Variants in C8A observed in about 807,000 individuals in gnomAD.
The protein encoded by C8A is complement C8 alpha chain.
In C8A, 67 loss-of-function variants were observed where a neutral mutation model predicts 65.3. That is an observed-to-expected ratio of 1.03 (90% confidence interval 0.84 to 1.26). C8A has a LOEUF of 1.26. Among genes scored for constraint, C8A ranks in the 50% most tolerant of loss-of-function variants. C8A has a pLI of 0.00. For synonymous variants in C8A, 290 were observed against 259.4 expected, an observed-to-expected ratio of 1.12 and a Z score of -1.13; for missense variants, 781 against 723.9, an observed-to-expected ratio of 1.08 and a Z score of -0.90.
At position 56,917,846 on chromosome 1, in the gene C8A, A is replaced by T; in HGVS notation, c.*130A>T. ...TTTTTTCTTTGTTCTGCCAGCTTCCAGGCCTAAGACTAGGTTTTGCTGTCT... is the reference window on the plus strand; with the variant it reads ...TTTTTTCTTTGTTCTGCCAGCTTCCTGGCCTAAGACTAGGTTTTGCTGTCT... On this transcript the variant is annotated 3_prime_UTR_variant, in exon 11 of 11. Transcript: ENST00000361249. 1 of 1,157,302 alleles carries T rather than the reference A, an allele frequency of 8.6e-7. No individual in the cohort carries two copies. Among genetic ancestry groups the T allele is most frequent in the Non-Finnish European group, 1.3e-6 (1 of 799,952 alleles). The allele number at this position is 1,157,302 out of a possible 1,614,324, so 71.7% of individuals were successfully genotyped here.
At chr1:56,884,728 C>G (rs1220700426) in intron 6 of C8A, among the ~76,000 whole-genome samples, 1 of 152,110 alleles carries the variant, frequency 6.6e-6, no homozygotes, top group Non-Finnish European at 1.5e-5. Context: ...TCCTGTAAAA[C>G]CAATCCAAAA....
At chr1:56,902,486 A>G (rs1369463021) in intron 7 of C8A, among the ~76,000 whole-genome samples, 1 of 152,022 alleles carries the variant, frequency 6.6e-6, no homozygotes, top group South Asian at 2.1e-4. Flanking sequence ...ATCATTCCCT[A>G]TTTTTAAATT....
intron 2 of C8A, 109 bp downstream of exon 2, chr1:56,867,811 G>C (rs1022458807): frequency 4.4e-5 from 36 of 809,386 alleles, no homozygotes; most frequent in Non-Finnish European, 7.3e-5. Flanking sequence ...GGAGAAATTG[G>C]GTCTAGAAAT....
At position 56,881,558 on chromosome 1, in the gene C8A, C is replaced by A; in HGVS notation, c.578C>A (p.Thr193Asn). The A allele has an allele frequency of 1.2e-6, 2 of 1,613,750 alleles. No homozygotes were observed. Among genetic ancestry groups the A allele is most frequent in the Non-Finnish European group, 1.7e-6 (2 of 1,179,720 alleles). The stretch of plus-strand genomic sequence containing the variant: ...TGGAGGGAGCTTCGATATGACTCCA[C>A]CTGTGAACGTCTCTACTATGGAGAT... ...GEWRELRYDS[T>N]CERLYYGDDE... Residue 193 changes from threonine (T) to asparagine (N), a missense_variant, in exon 5 of 11, where the codon ACC becomes AAC. By Grantham distance (65) the Thr-to-Asn change is moderately conservative (BLOSUM62 0). Transcript: ENST00000361249.
Position 56,881,574 on chromosome 1 carries a change from C to G in C8A, c.594C>G (p.Tyr198Ter), listed in dbSNP as rs751115653. 9.9e-6 allele frequency: 16 copies of G among 1,613,664 alleles called. No homozygotes were observed. Among genetic ancestry groups the G allele is most frequent in the Non-Finnish European group, 1.4e-5 (16 of 1,179,794 alleles). ...ATGACTCCACCTGTGAACGTCTCTA[C>G]TATGGAGATGATGAGAAATACTTTC... ...LRYDSTCERLYYGDDEKYFRK... is the reference protein window; with the variant it reads ...LRYDSTCERL The change falls in exon 5 of 11, where the codon TAC (tyrosine) becomes TAG (stop). Residue 198 changes from tyrosine to a stop codon, truncating the protein, a stop_gained. Transcript: ENST00000361249. LOFTEE classifies it high-confidence loss of function.
intron 7 of C8A, among the ~76,000 whole-genome samples, chr1:56,889,981 T>A (rs1644331869): frequency 6.6e-6 from 1 of 152,110 alleles, no homozygotes; most frequent in Non-Finnish European, 1.5e-5. Context: ...GGGCTTAAAT[T>A]TCTAGATTTA....
intron 7 of C8A, among the ~76,000 whole-genome samples, chr1:56,888,121 T>A (rs184786868): frequency 7.9e-4 from 121 of 152,234 alleles, no homozygotes; most frequent in African/African-American, 2.7e-3. Context: ...TCCCAGAACT[T>A]AAAGTATATA....
chr1:56,917,492 G>A (rs1644561781), intron 10 of C8A, 73 bp from the exon 11 acceptor site: 1 of 1,540,870 alleles, frequency 6.5e-7, no homozygotes. Flanking sequence ...ACCCCTCCCT[G>A]TTCATCACCA....
At chr1:56,917,388 G>T (rs552400405) in intron 10 of C8A, among the ~76,000 whole-genome samples, 177 bp from the exon 11 acceptor site, 3 of 152,212 alleles carry the variant, frequency 2.0e-5, no homozygotes, top group Non-Finnish European at 4.4e-5. Context: ...TAACAAAGGA[G>T]CAAAGACCCT....
chr1:56,913,958 T>C (rs1347739789), intron 10 of C8A, among the ~76,000 whole-genome samples: 1 of 152,104 alleles, frequency 6.6e-6, no homozygotes, highest in Non-Finnish European at 1.5e-5. Context: ...TTAACAAAAG[T>C]CAAGAGCTCA....
intron 4 of C8A, among the ~76,000 whole-genome samples, chr1:56,879,221 T>C (rs1356355529): frequency 6.6e-6 from 1 of 152,208 alleles, no homozygotes; most frequent in Non-Finnish European, 1.5e-5. Context: ...AATTATATAA[T>C]TATTTGACTA....
In C8A at chr1:56,912,589, A is replaced by C; in HGVS notation, c.1567A>C (p.Ser523Arg). ...CTGCAGGTGCCAGTGCCGCCTGGGT[A>C]GCTTGGGTGCTGCCTGTGAGCAAAC... ...TSCRCQCRLG[S>R]LGAACEQTQT... The change falls in exon 10 of 11, where the codon AGC becomes CGC. Residue 523 changes from serine (S) to arginine (R), a missense_variant. Ser to Arg is a moderately radical substitution (Grantham distance 110, BLOSUM62 -1). Transcript: ENST00000361249. The C allele has an allele frequency of 6.2e-7, 1 of 1,614,212 alleles. No individual in the cohort carries two copies. The highest frequency in any genetic ancestry group is 1.1e-5 in the South Asian group (1 of 91,076).
chr1:56,869,145 T>C (rs2269121), intron 2 of C8A, among the ~76,000 whole-genome samples: 20,609 of 152,170 alleles, frequency 0.14, 1,866 homozygotes, highest in East Asian at 0.35. Context: ...CTGTACCCAA[T>C]GTGTAGTCTT....
At chr1:56,875,707 T>C (rs1392696280) in intron 3 of C8A, among the ~76,000 whole-genome samples, 16 of 151,966 alleles carry the variant, frequency 1.1e-4, no homozygotes, top group Admixed American at 6.6e-4. Flanking sequence ...AGGTAGGTGA[T>C]GGGTAGGTAG....
chr1:56,871,252 G>A (rs1373697403), intron 2 of C8A, among the ~76,000 whole-genome samples: 2 of 152,116 alleles, frequency 1.3e-5, no homozygotes, highest in Non-Finnish European at 2.9e-5. Flanking sequence ...CTTTGTTTAG[G>A]TCACCCATTA....
intron 2 of C8A, among the ~76,000 whole-genome samples, chr1:56,874,229 C>A (rs1644175483): frequency 6.6e-6 from 1 of 152,132 alleles, no homozygotes; most frequent in Admixed American, 6.5e-5. Context: ...AGTCATGTGC[C>A]AATCCTTGAA....
intron 1 of C8A, among the ~76,000 whole-genome samples, chr1:56,863,606 C>A (rs1340194890): frequency 1.3e-5 from 2 of 152,130 alleles, no homozygotes; most frequent in Non-Finnish European, 2.9e-5. Flanking sequence ...AAACCTTCTC[C>A]CTATACCTTC....
intron 7 of C8A, among the ~76,000 whole-genome samples, chr1:56,902,220 C>T (rs759584635): frequency 1.3e-5 from 2 of 152,118 alleles, no homozygotes; most frequent in South Asian, 2.1e-4. Flanking sequence ...TGATAATGAT[C>T]GACCTTATGC....
intron 1 of C8A, among the ~76,000 whole-genome samples, chr1:56,861,498 G>A (rs116421176): frequency 6.6e-6 from 1 of 152,090 alleles, no homozygotes; most frequent in Non-Finnish European, 1.5e-5. Flanking sequence ...AGCCTTTCCT[G>A]AGGGATCTGC....
Sources: allele counts gnomAD v4.1 joint callset (sites outside exome capture counted in the v4.1 genomes callset), GRCh38; gene constraint gnomAD v4.1.1; transcripts MANE v1.5; gene names NCBI Gene and HGNC (gene_info 2026-07-23, HGNC 2026-07-21).